The following SHANK1 variants were observed in gnomAD, a reference collection of about 807,000 sequenced individuals.
The protein encoded by SHANK1 is SH3 and multiple ankyrin repeat domains protein 1.
SHANK1 carries 35 observed loss-of-function variants against 165.6 expected under a neutral mutation model. That is an observed-to-expected ratio of 0.21 (90% confidence interval 0.16 to 0.28). The LOEUF (loss-of-function observed/expected upper bound fraction) is 0.28, where lower values mean the gene tolerates loss of function less well. Ranked by LOEUF, SHANK1 falls within the 10% of genes least tolerant of loss-of-function variation. The pLI, the probability that SHANK1 is intolerant of heterozygous loss-of-function variation, is 1.00. For missense variants in SHANK1, 2,681 were observed against 3,036.4 expected (o/e 0.88, Z 2.75); for synonymous variants, 1,428 against 1,384.8 (o/e 1.03, Z -0.69).
intron 15 of SHANK1, chr19:50,689,503 CA>C (rs2123138314): frequency 1.5e-6 from 1 of 672,900 alleles, no homozygotes; most frequent in East Asian, 2.8e-5. Flanking sequence ...CCTCTCTCCT[CA>C]TTCATCCATC....
chr19:50,686,680 A>G lies in SHANK1; in HGVS notation c.2458+64T>C. ...GGCGCCGTGGGGTTCATGGTGGGAC[A>G]GGGATGCAGCGGGTGCCGGGGCTGG... On this transcript the variant is annotated intron_variant, in intron 20 of 23. Coordinates refer to ENST00000293441, the MANE Select transcript of SHANK1 (RefSeq NM_016148.5). This position sits in a 1 kb window ranked among gnomAD's most constrained non-coding sequence, Gnocchi z 5.7. 2 of 1,476,156 alleles carry G rather than the reference A, an allele frequency of 1.4e-6. No individual in the cohort carries two copies. The highest frequency in any genetic ancestry group is 1.9e-6 in the Non-Finnish European group (2 of 1,060,428). 91.4% of individuals were successfully genotyped at this position (1,476,156 alleles called of 1,614,324 possible).
Position 50,666,493 on chromosome 19 carries a change from G to A in SHANK1, c.5467C>T (p.Pro1823Ser). 6 of 1,595,290 alleles carry A rather than the reference G, an allele frequency of 3.8e-6. No individual in the cohort carries two copies. The highest frequency in any genetic ancestry group is 5.1e-6 in the Non-Finnish European group (6 of 1,173,570). ...GAGGCCGTCGGCAAGGGCACCGGTG[G>A]GACTTCTGGCTCTACAGCCACCGGA... is the stretch of plus-strand genomic sequence containing the variant. ...GGPVAVEPEV[P>S]PVPLPTASSL... The change falls in exon 23 of 24, where the codon CCA becomes TCA. Residue 1823 changes from proline (P) to serine (S), a missense_variant. Pro to Ser is a moderately conservative substitution (Grantham distance 74, BLOSUM62 -1). This residue lies in a region of SHANK1 where 1,713 missense variants were observed against 1,630.2 expected (regional missense o/e 1.05). Transcript: ENST00000293441.
intron 23 of SHANK1, 109 bp downstream of exon 23, chr19:50,666,083 C>A: frequency 1.9e-6 from 2 of 1,079,370 alleles, no homozygotes; most frequent in Non-Finnish European, 2.6e-6. Flanking sequence ...ACAGCAAACT[C>A]CTGCCAACCT....
At chr19:50,665,737 TAAAAA>T in intron 23 of SHANK1, among the ~76,000 whole-genome samples, 2 of 98,170 alleles carry the variant, frequency 2.0e-5, no homozygotes, top group African/African-American at 9.4e-5. Context: ...ACCCTGTTTC[TAAAAA>T]AAAAAAAAAA....
intron 8 of SHANK1, among the ~76,000 whole-genome samples, chr19:50,706,840 C>T (rs1465346354): frequency 2.0e-5 from 3 of 151,994 alleles, no homozygotes; most frequent in East Asian, 1.9e-4. Context: ...TGCAGTGACA[C>T]GATCTCGGCT....
At chr19:50,687,746 A>C in intron 18 of SHANK1, 84 bp from the exon 19 acceptor site, 3 of 1,371,142 alleles carry the variant, frequency 2.2e-6, no homozygotes, top group Middle Eastern at 2.3e-4. Context: ...CCCAGGGCTC[A>C]GAGAATAGCC....
chr19:50,680,781 G>A (rs75084262), intron 21 of SHANK1, among the ~76,000 whole-genome samples: 27,261 of 151,688 alleles, frequency 0.18, 4,755 homozygotes, highest in African/African-American at 0.46. Context: ...CCATGCTCCC[G>A]AGTAGCTGGA....
At chr19:50,689,304 G>T (rs1468358634) in intron 15 of SHANK1, 25 bp from the exon 16 acceptor site, 1 of 1,471,672 alleles carries the variant, frequency 6.8e-7, no homozygotes, top group African/African-American at 1.4e-5. Flanking sequence ...GGAGAAATGG[G>T]GGGGTGGTGG....
chr19:50,666,805 C>T lies in SHANK1; in HGVS notation c.5155G>A (p.Ala1719Thr). 1 of 1,549,706 alleles carries T rather than the reference C, an allele frequency of 6.5e-7. No individual in the cohort carries two copies. Among genetic ancestry groups the T allele is most frequent in the Non-Finnish European group, 8.7e-7 (1 of 1,147,662 alleles). The change falls in exon 23 of 24, where the codon GCC (alanine) becomes ACC (threonine). Residue 1719 changes from alanine to threonine, a missense_variant. Coordinates refer to ENST00000293441, the MANE Select transcript of SHANK1 (RefSeq NM_016148.5). ...GGGGGAGAGV[A>T]SGPELLDTYV... ...GTGTCCAGAAGCTCCGGCCCACTGGCCACACCGGCCCCAGCCCCGCCCCCA... is the reference window on the plus strand; with the variant it reads ...GTGTCCAGAAGCTCCGGCCCACTGGTCACACCGGCCCCAGCCCCGCCCCCA...
Position 50,667,549 on chromosome 19 carries a change from G to C in SHANK1, c.4411C>G (p.Pro1471Ala), listed in dbSNP as rs1191198806. Residue 1471 changes from proline to alanine, a missense_variant, in exon 23 of 24, where the codon CCC (proline) becomes GCC (alanine). This residue lies in a region of SHANK1 where 1,713 missense variants were observed against 1,630.2 expected (regional missense o/e 1.05). Transcript: ENST00000293441. The surrounding 1 kb of genome is among the most constrained non-coding windows in gnomAD (Gnocchi z 5.7). Reference protein sequence around the residue: ...QLGTEPPAPHPGVSKPWRSAA... With the variant: ...QLGTEPPAPHAGVSKPWRSAA... ...GACCTCCAGGGCTTGCTTACTCCGG[G>C]GTGCGGGGCCGGGGGCTCCGTCCCC... is the stretch of plus-strand genomic sequence containing the variant. The C allele has an allele frequency of 6.8e-7, 1 of 1,471,872 alleles. No individual in the cohort carries two copies. The highest frequency in any genetic ancestry group is 8.9e-7 in the Non-Finnish European group (1 of 1,125,612). The allele number at this position is 1,471,872 out of a possible 1,614,324, so 91.2% of individuals were successfully genotyped here.
At chr19:50,703,383 G>A in intron 11 of SHANK1, 117 bp downstream of exon 11, 1 of 839,832 alleles carries the variant, frequency 1.2e-6, no homozygotes, top group Non-Finnish European at 1.8e-6. Context: ...GTGACACTAG[G>A]GACTTGGATG....
At chr19:50,687,769 C>T (rs926518948) in intron 18 of SHANK1, 107 bp from the exon 19 acceptor site, 35 of 1,352,878 alleles carry the variant, frequency 2.6e-5, no homozygotes, top group Admixed American at 6.9e-5. Flanking sequence ...TGCCAGCGTG[C>T]GGAGCCCTCC....
At position 50,687,638 on chromosome 19, in the gene SHANK1, G is replaced by A. The variant is rs1222422285; in HGVS notation, c.2333C>T (p.Pro778Leu). 17 of 1,518,976 alleles carry A rather than the reference G, an allele frequency of 1.1e-5. No individual in the cohort carries two copies. The highest frequency in any genetic ancestry group is 7.4e-5 in the East Asian group (3 of 40,394). 94.1% of individuals were successfully genotyped at this position (1,518,976 alleles called of 1,614,324 possible). ...KKAPQQAKRLPPPTISLRSKS... is the reference protein window; with the variant it reads ...KKAPQQAKRLLPPTISLRSKS... ...GGAACGCAGGGAGATGGTTGGGGGC[G>A]GCAGCCGCTTGGCCTGCTGGGGTGC... is the stretch of plus-strand genomic sequence containing the variant. Residue 778 changes from proline (P) to leucine (L), a missense_variant, in exon 19 of 24, where the codon CCG becomes CTG. Physicochemically the swap from Pro to Leu is moderately conservative, Grantham distance 98. Transcript: ENST00000293441.
In SHANK1 at chr19:50,686,193, A is replaced by G. The variant is rs1219926498; in HGVS notation, c.2577+44T>C. On this transcript the variant is annotated intron_variant, in intron 21 of 23. Transcript: ENST00000293441. This position sits in a 1 kb window ranked among gnomAD's most constrained non-coding sequence, Gnocchi z 5.7. ...AGAAAGGCTCCAGGTTGGTGTGTGA[A>G]CCGCCTCCCCCCTGGCAGTTCCTCC... 1 of 1,209,552 alleles carries G rather than the reference A, an allele frequency of 8.3e-7. No homozygotes were observed. The highest frequency in any genetic ancestry group is 1.2e-6 in the Non-Finnish European group (1 of 846,478). The allele number at this position is 1,209,552 out of a possible 1,614,324, so 74.9% of individuals were successfully genotyped here.
At position 50,711,908 on chromosome 19, in the gene SHANK1, T is replaced by A. The variant is rs749445243; in HGVS notation, c.960+39A>T. 20 of 1,610,910 alleles carry A rather than the reference T, an allele frequency of 1.2e-5. 1 individual carries two copies. The highest frequency in any genetic ancestry group is 3.4e-4 in the Middle Eastern group (2 of 5,912). ...CCCCTTGGATGCCTCAGGGACTGGG[T>A]CCCCCACCCCAGCCCTTCATGGCCT... On this transcript the variant is annotated intron_variant, in intron 7 of 23. Coordinates refer to ENST00000293441, the MANE Select transcript of SHANK1 (RefSeq NM_016148.5).
chr19:50,687,925 T>C lies in SHANK1; in HGVS notation c.2306A>G (p.Lys769Arg). ...TGCGAGAGTGGCCGCAGGAGCACCTTTCTTGTGCACTGCCTCATCCATGTC... is the reference window on the plus strand; with the variant it reads ...TGCGAGAGTGGCCGCAGGAGCACCTCTCTTGTGCACTGCCTCATCCATGTC... ...HPDMDEAVHKKAPQQAKRLPP... is the reference protein window; with the variant it reads ...HPDMDEAVHKRAPQQAKRLPP... The change falls in exon 18 of 24, where the codon AAA (lysine) becomes AGA (arginine). Residue 769 changes from lysine to arginine, a missense_variant and splice_region_variant. Lys to Arg is a conservative substitution (Grantham distance 26). Transcript: ENST00000293441. The C allele has an allele frequency of 6.2e-7, 1 of 1,613,970 alleles. No homozygotes were observed. The highest frequency in any genetic ancestry group is 8.5e-7 in the Non-Finnish European group (1 of 1,179,924).
In SHANK1 at chr19:50,702,717, G is replaced by T. The variant is rs1986964356; in HGVS notation, c.1554-57C>A. The T allele has an allele frequency of 8.7e-7, 1 of 1,145,800 alleles. No homozygotes were observed. The highest frequency in any genetic ancestry group is 1.2e-6 in the Non-Finnish European group (1 of 820,894). The allele number at this position is 1,145,800 out of a possible 1,614,324, so 71.0% of individuals were successfully genotyped here. A position where few individuals can be genotyped will look rare whatever the true frequency, so the allele number is the denominator to read the frequency against. On this transcript the variant is annotated intron_variant, in intron 11 of 23. Coordinates refer to ENST00000293441, the MANE Select transcript of SHANK1 (RefSeq NM_016148.5). The surrounding 1 kb of genome is among the most constrained non-coding windows in gnomAD (Gnocchi z 5.3). ...GGGTGGAGGGAGGGGACACCTCTGG[G>T]AGGACAGGGGTCCTTGGGTGGGGGA...
At chr19:50,703,140 C>G (rs1377568211) in intron 11 of SHANK1, among the ~76,000 whole-genome samples, 7 of 151,816 alleles carry the variant, frequency 4.6e-5, no homozygotes. Flanking sequence ...CATCCTCCCT[C>G]CAGAGTGACC....
intron 15 of SHANK1, among the ~76,000 whole-genome samples, chr19:50,694,957 G>T (rs1268804450): frequency 1.3e-5 from 2 of 150,820 alleles, no homozygotes; most frequent in African/African-American, 4.8e-5. Context: ...CCAGCTGGAG[G>T]ACAGCGCGGG....
Sources: gnomAD v4.1 joint callset for allele counts (sites outside exome capture counted in the v4.1 genomes callset) on GRCh38, gnomAD v4.1.1 for gene constraint, gnomAD v4.1.1 regional missense constraint, Gnocchi (gnomAD v3.1) non-coding constraint, MANE v1.5 for transcripts, NCBI Gene and HGNC (gene_info 2026-07-23, HGNC 2026-07-21) for gene names.